The following GGT1 variants were observed in gnomAD, a reference collection of about 807,000 sequenced individuals.
The protein encoded by GGT1 is glutathione hydrolase 1 proenzyme.
A neutral mutation model predicts 56.0 loss-of-function variants in GGT1; 21 were observed. The ratio of observed to expected loss-of-function variants is 0.38; its 90% CI spans 0.27 to 0.54. The LOEUF is 0.54. Ranked by LOEUF, GGT1 falls within the 20% of genes least tolerant of loss-of-function variation. The pLI is 0.82. For missense variants in GGT1, 466 were observed against 787.0 expected (o/e 0.59, Z 4.88); for synonymous variants, 238 against 342.6 (o/e 0.69, Z 3.37).
intron 1 of GGT1, among the ~76,000 whole-genome samples, chr22:24,604,016 G>A (rs1469727465): frequency 2.6e-5 from 4 of 152,100 alleles, no homozygotes; most frequent in Non-Finnish European, 5.9e-5. Flanking sequence ...CTGAAGGGGT[G>A]TTTTTTCTGA....
intron 1 of GGT1, among the ~76,000 whole-genome samples, chr22:24,605,609 TATATATAATATTATATA>T (rs2046150000): frequency 2.1e-5 from 1 of 46,894 alleles, no homozygotes; most frequent in East Asian, 6.4e-4. Flanking sequence ...ATGTGTATTA[TATATATAATATTATATA>T]ATGTGTATTA....
chr22:24,589,377 C>T, the GGT1 span: 4 of 1,125,100 alleles, frequency 3.6e-6, no homozygotes, highest in Non-Finnish European at 4.4e-6. Flanking sequence ...GCAAGGGTGT[C>T]TGTACAGGAT....
chr22:24,624,594 G>A (rs1038513578), intron 11 of GGT1: 17 of 970,448 alleles, frequency 1.8e-5, no homozygotes, highest in African/African-American at 3.6e-5. Context: ...CTGGTGTCTT[G>A]TCTCTCTGAG....
the GGT1 span, chr22:24,588,807 G>C: frequency 1.4e-5 from 14 of 1,014,022 alleles, no homozygotes; most frequent in African/African-American, 1.7e-5. Context: ...GACTGCGCCT[G>C]CGGGGTCTGG....
At chr22:24,603,821 C>T (rs905944404) in intron 1 of GGT1, among the ~76,000 whole-genome samples, 2 of 151,848 alleles carry the variant, frequency 1.3e-5, no homozygotes, top group African/African-American at 4.8e-5. Flanking sequence ...GACCCTGTGT[C>T]CTTGGGCCAT....
In GGT1 at chr22:24,625,544, G is replaced by A. The variant is rs879306549; in HGVS notation, c.1020+1628G>A. On this transcript the variant is annotated intron_variant, in intron 11 of 15. Coordinates refer to ENST00000400382, the MANE Select transcript of GGT1 (RefSeq NM_001288833.2). ...GCCTCCCAAAGCGCTGGGATTACAG[G>A]TGTGTTTTTTTTTTTGAGACAGAGT... Among the ~76,000 whole-genome samples the A allele has an allele frequency of 2.7e-4, 41 of 150,874 alleles. No homozygotes were observed. In the South Asian group the frequency reaches 3.1e-3, roughly 12 times the overall value.
At chr22:24,619,560 C>A (rs2047282161) in intron 7 of GGT1, among the ~76,000 whole-genome samples, 1 of 145,324 alleles carries the variant, frequency 6.9e-6, no homozygotes, top group African/African-American at 2.6e-5. Flanking sequence ...CAGAATGAGA[C>A]CCTGTCTCAA....
At chr22:24,585,084 T>C in the GGT1 span, among the ~76,000 whole-genome samples, 1 of 152,082 alleles carries the variant, frequency 6.6e-6, no homozygotes, top group African/African-American at 2.4e-5. Context: ...CACAAGCACT[T>C]TGTCTCTGGC....
chr22:24,585,927 C>T, the GGT1 span: 125 of 1,606,708 alleles, frequency 7.8e-5, no homozygotes, highest in Admixed American at 3.5e-4. Flanking sequence ...CCCAGCCCAG[C>T]AGCTGTGGAG....
rs200618806 is a variant in GGT1, at chr22:24,614,917, C to G, written c.295+11C>G. On this transcript the variant is annotated intron_variant, in intron 6 of 15. Coordinates refer to ENST00000400382, the MANE Select transcript of GGT1 (RefSeq NM_001288833.2). ...ACAACAGCACCACACGTGAGTGCCT[C>G]GGGAGAGGAGAGGGAGAGGGGCAGG... 5 of 1,485,902 alleles carry G rather than the reference C, an allele frequency of 3.4e-6. No homozygotes were observed. The highest frequency in any genetic ancestry group is 4.5e-6 in the Non-Finnish European group (5 of 1,098,940). 92.0% of individuals were successfully genotyped at this position (1,485,902 alleles called of 1,614,324 possible). A position where few individuals can be genotyped will look rare whatever the true frequency, so the allele number is the denominator to read the frequency against.
At chr22:24,599,696 C>T (rs2003757), upstream of GGT1, among the ~76,000 whole-genome samples, 49,964 of 151,838 alleles carry the variant, frequency 0.33, 8,578 homozygotes, top group Middle Eastern at 0.49. Flanking sequence ...GGCTTGGGCA[C>T]GTCCACCTGG....
At chr22:24,600,783 CT>C (rs1277435997), upstream of GGT1, among the ~76,000 whole-genome samples, 10 of 152,218 alleles carry the variant, frequency 6.6e-5, no homozygotes, top group Admixed American at 1.3e-4. Context: ...GGAGTGGCCC[CT>C]GCTTCTCTGC....
At chr22:24,623,414 A>AAGG (rs2147488213) in intron 10 of GGT1, among the ~76,000 whole-genome samples, 158 bp downstream of exon 10, 1 of 151,714 alleles carries the variant, frequency 6.6e-6, no homozygotes, top group African/African-American at 2.4e-5. Flanking sequence ...CCATGTCCTG[A>AAGG]AGGAGGCAGT....
At chr22:24,585,964 C>T in the GGT1 span, 13 of 1,609,712 alleles carry the variant, frequency 8.1e-6, no homozygotes, top group South Asian at 1.1e-5. Context: ...GGGTGGTGGC[C>T]CCGGCCGCAC....
chr22:24,626,004 G>A (rs929113820), intron 11 of GGT1, among the ~76,000 whole-genome samples: 3 of 133,692 alleles, frequency 2.2e-5, no homozygotes, highest in Admixed American at 7.5e-5. Context: ...TTTTTGAGAC[G>A]GAGTCTCGCT....
chr22:24,607,839 G>A (rs1305154675), intron 1 of GGT1, 115 bp from the exon 2 acceptor site: 3 of 368,812 alleles, frequency 8.1e-6, no homozygotes, highest in Non-Finnish European at 1.7e-5. Context: ...CCCCTGAGGA[G>A]TGCTGCAGGG....
Position 24,615,365 on chromosome 22 carries a change from A to G in GGT1, c.382+238A>G, listed in dbSNP as rs389004. On this transcript the variant is annotated intron_variant, in intron 7 of 15. Coordinates refer to ENST00000400382, the MANE Select transcript of GGT1 (RefSeq NM_001288833.2). The stretch of plus-strand genomic sequence containing the variant: ...CCTCCGGGGCCACTCTGTGCAGCAC[A>G]TGGAGAGAATAATTATTATGCTAGC... Among the ~76,000 whole-genome samples, 69,625 of 151,812 alleles carry G rather than the reference A, an allele frequency of 0.46. 18,823 individuals carry two copies. The highest frequency in any genetic ancestry group is 0.76 in the African/African-American group (31,510 of 41,360).
chr22:24,592,794 C>A, upstream of GGT1: 1 of 1,270,198 alleles, frequency 7.9e-7, no homozygotes, highest in South Asian at 2.0e-5. Context: ...AGCCCCGCGC[C>A]TCCCAGACCC....
chr22:24,627,780 G>T, intron 12 of GGT1, 72 bp from the exon 13 acceptor site: 1 of 1,565,670 alleles, frequency 6.4e-7, no homozygotes, highest in Non-Finnish European at 8.7e-7. Context: ...GTATGTTTGA[G>T]CCTCAGTGGG....
Sources: gnomAD v4.1 joint callset for allele counts (sites outside exome capture counted in the v4.1 genomes callset) on GRCh38, gnomAD v4.1.1 for gene constraint, MANE v1.5 for transcripts, NCBI Gene and HGNC (gene_info 2026-07-23, HGNC 2026-07-21) for gene names.